KIAA1217: variants seen among roughly 807,000 people sequenced by gnomAD.
KIAA1217 encodes sickle tail protein homolog.
Under a neutral mutation model 163.9 loss-of-function variants are expected in KIAA1217, and 88 were observed. The ratio of observed to expected loss-of-function variants is 0.54; its 90% CI spans 0.45 to 0.64. KIAA1217 has a LOEUF of 0.64. Ranked by LOEUF, KIAA1217 falls within the 30% of genes least tolerant of loss-of-function variation. KIAA1217 has a pLI of 0.00. For missense variants in KIAA1217, 2,372 were observed against 2,475.0 expected (o/e 0.96, Z 0.88); for synonymous variants, 903 against 923.1 (o/e 0.98, Z 0.39).
At chr10:24,247,196 T>C (rs1590199760) in intron 2 of KIAA1217, among the ~76,000 whole-genome samples, 1 of 151,646 alleles carries the variant, frequency 6.6e-6, no homozygotes, top group East Asian at 1.9e-4. Flanking sequence ...TTCAGGGGTA[T>C]GTGTGCAGAT....
chr10:24,050,352 C>T (rs28367454), intron 2 of KIAA1217, among the ~76,000 whole-genome samples: 1 of 151,882 alleles, frequency 6.6e-6, no homozygotes, highest in Non-Finnish European at 1.5e-5. Flanking sequence ...GCCATTGCTT[C>T]TGGTGTTTTA....
chr10:24,433,997 A>T (rs1205489135), intron 4 of KIAA1217, among the ~76,000 whole-genome samples: 2 of 132,530 alleles, frequency 1.5e-5, no homozygotes, highest in Admixed American at 7.9e-5. Flanking sequence ...AAACAAAAGC[A>T]TCTCTCTCTC....
intron 1 of KIAA1217, among the ~76,000 whole-genome samples, chr10:23,885,726 C>T (rs923771562): frequency 6.6e-6 from 1 of 151,842 alleles, no homozygotes; most frequent in African/African-American, 2.4e-5. Context: ...GCCAGGGACA[C>T]GTGGCAGTCA....
chr10:24,347,598 A>G (rs1251411930), intron 2 of KIAA1217, among the ~76,000 whole-genome samples: 1 of 152,132 alleles, frequency 6.6e-6, no homozygotes, highest in African/African-American at 2.4e-5. Flanking sequence ...TTTTTTTAAT[A>G]TTTTGTTTTC....
intron 2 of KIAA1217, among the ~76,000 whole-genome samples, chr10:24,161,713 A>G (rs1262387407): frequency 6.6e-6 from 1 of 152,224 alleles, no homozygotes; most frequent in Non-Finnish European, 1.5e-5. Context: ...TTACCACACC[A>G]GCCTCTCAGG....
chr10:23,793,283 T>G (rs1459152086), intron 1 of KIAA1217, among the ~76,000 whole-genome samples: 1 of 152,188 alleles, frequency 6.6e-6, no homozygotes, highest in Non-Finnish European at 1.5e-5. Context: ...CCCTTTCTAC[T>G]CATGGCACAG....
intron 2 of KIAA1217, among the ~76,000 whole-genome samples, chr10:24,195,813 C>T (rs557062137): frequency 6.6e-6 from 1 of 152,282 alleles, no homozygotes; most frequent in East Asian, 1.9e-4. Context: ...AGAACTAGGG[C>T]TTTGCTGATT....
chr10:23,873,453 A>G (rs994189581), intron 1 of KIAA1217, among the ~76,000 whole-genome samples: 1 of 152,056 alleles, frequency 6.6e-6, no homozygotes, highest in African/African-American at 2.4e-5. Context: ...ACTCTGTGCC[A>G]TTGAACATAC....
At chr10:24,433,959 G>A (rs1409953334) in intron 4 of KIAA1217, among the ~76,000 whole-genome samples, 1 of 146,512 alleles carries the variant, frequency 6.8e-6, no homozygotes, top group Non-Finnish European at 1.5e-5. Context: ...ATGGACTCCT[G>A]CTATTGATGG....
At chr10:24,080,815 T>TA (rs1301278734) in intron 2 of KIAA1217, among the ~76,000 whole-genome samples, 1 of 152,208 alleles carries the variant, frequency 6.6e-6, no homozygotes, top group Non-Finnish European at 1.5e-5. Context: ...AATAGTTTAG[T>TA]AAGTGTTTTT....
chr10:24,269,185 T>C (rs1440172357), intron 2 of KIAA1217, among the ~76,000 whole-genome samples: 1 of 135,358 alleles, frequency 7.4e-6, no homozygotes, highest in Non-Finnish European at 1.5e-5. Context: ...AATGTGCACA[T>C]GTACCCTAAA....
At chr10:23,987,621 GTGTA>G (rs756732083) in intron 1 of KIAA1217, among the ~76,000 whole-genome samples, 9,789 of 84,542 alleles carry the variant, frequency 0.12, 1,000 homozygotes, top group African/African-American at 0.34. Context: ...GTGTGTGTGT[GTGTA>G]TGTGTACGTG....
In KIAA1217 at chr10:24,184,005, A is replaced by T. The variant is rs11013941; in HGVS notation, c.-170-35621A>T. Among the ~76,000 whole-genome samples, 463 of 152,324 alleles carry T rather than the reference A, an allele frequency of 3.0e-3. 1 individual carries two copies. The highest frequency in any genetic ancestry group is 0.011 in the African/African-American group (438 of 41,574). ...ACATATCTCCCCTGAGCCCTCCCAA[A>T]GGACAATCACCCCTTTCTGAGTGAC... On this transcript the variant is annotated intron_variant, in intron 2 of 18. Coordinates refer to the KIAA1217 transcript ENST00000376462.
At chr10:23,841,326 G>A (rs1838769903) in intron 1 of KIAA1217, among the ~76,000 whole-genome samples, 1 of 152,186 alleles carries the variant, frequency 6.6e-6, no homozygotes. Context: ...AGATAGGAAT[G>A]AATTTGTCCT....
intron 2 of KIAA1217, among the ~76,000 whole-genome samples, chr10:24,243,162 A>G (rs2073315377): frequency 6.6e-6 from 1 of 152,226 alleles, no homozygotes; most frequent in East Asian, 1.9e-4. Context: ...TTCAAATATG[A>G]ATCACAAAGC....
At chr10:23,871,595 A>G (rs1840457737) in intron 1 of KIAA1217, among the ~76,000 whole-genome samples, 1 of 152,016 alleles carries the variant, frequency 6.6e-6, no homozygotes, top group Non-Finnish European at 1.5e-5. Context: ...CACTTCTTCT[A>G]AATCATTGGC....
intron 2 of KIAA1217, among the ~76,000 whole-genome samples, chr10:24,061,344 A>G (rs2060714397): frequency 6.6e-6 from 1 of 152,210 alleles, no homozygotes; most frequent in Non-Finnish European, 1.5e-5. Flanking sequence ...TATATTGTAT[A>G]TCCATTAACA....
At chr10:24,537,153 C>A (rs564031573) in intron 17 of KIAA1217, among the ~76,000 whole-genome samples, 2 of 152,224 alleles carry the variant, frequency 1.3e-5, no homozygotes, top group African/African-American at 4.8e-5. Flanking sequence ...AGAGTGAACA[C>A]CTTTCAGTAC....
At chr10:23,900,575 A>G (rs1421075763) in intron 1 of KIAA1217, among the ~76,000 whole-genome samples, 2 of 152,140 alleles carry the variant, frequency 1.3e-5, no homozygotes, top group African/African-American at 4.8e-5. Flanking sequence ...TATATTATTC[A>G]TAGTTTTCAT....
Sources: allele counts gnomAD v4.1 joint callset (sites outside exome capture counted in the v4.1 genomes callset), GRCh38; gene constraint gnomAD v4.1.1; transcripts MANE v1.5; gene names NCBI Gene and HGNC (gene_info 2026-07-23, HGNC 2026-07-21).